The following NRG1 variants were observed in gnomAD, a reference collection of about 807,000 sequenced individuals.
NRG1 encodes pro-neuregulin-1, membrane-bound isoform.
A neutral mutation model predicts 63.8 loss-of-function variants in NRG1; 18 were observed. The observed-to-expected ratio is 0.28, with a 90% CI of 0.19 to 0.42. The LOEUF (loss-of-function observed/expected upper bound fraction) is 0.42, where lower values mean the gene tolerates loss of function less well. NRG1 is among the 10% of genes least tolerant of loss of function. The pLI, the probability that NRG1 is intolerant of heterozygous loss-of-function variation, is 1.00. For missense variants in NRG1, 762 were observed against 814.7 expected (o/e 0.94, Z 0.79); for synonymous variants, 302 against 301.3 (o/e 1.00, Z -0.02).
chr8:32,255,766 T>G (rs1849630406), intron 1 of NRG1, among the ~76,000 whole-genome samples: 1 of 152,204 alleles, frequency 6.6e-6, no homozygotes, highest in Non-Finnish European at 1.5e-5. Flanking sequence ...TCTTGCCAGG[T>G]TGGGGAAGTT....
chr8:31,714,193 A>G (rs1038977413), intron 1 of NRG1, among the ~76,000 whole-genome samples: 4 of 150,596 alleles, frequency 2.7e-5, no homozygotes, highest in Non-Finnish European at 5.9e-5. Context: ...TAAGGAGTTT[A>G]TTTTTTTCCT....
intron 1 of NRG1, among the ~76,000 whole-genome samples, chr8:32,074,419 A>G (rs2131069791): frequency 6.6e-6 from 1 of 152,346 alleles, no homozygotes; most frequent in Non-Finnish European, 1.5e-5. Context: ...TGTTTGAAAA[A>G]GAATTAATGA....
Position 32,056,941 on chromosome 8 carries a change from A to G in NRG1, c.37+417510A>G, listed in dbSNP as rs536119138. On this transcript the variant is annotated intron_variant, in intron 1 of 10. Coordinates refer to the NRG1 transcript ENST00000519301. ...TTGGGAAATGCAGGTACTTTTTAGC[A>G]TTAGTGAGTAGACTCATTTCTAACA... Among the ~76,000 whole-genome samples, 31 of 152,338 alleles carry G rather than the reference A, an allele frequency of 2.0e-4. 1 individual carries two copies. In the South Asian group the frequency reaches 5.6e-3, roughly 27 times the overall value.
intron 1 of NRG1, among the ~76,000 whole-genome samples, chr8:32,119,733 T>G (rs889919557): frequency 1.3e-5 from 2 of 151,970 alleles, no homozygotes; most frequent in Non-Finnish European, 2.9e-5. Context: ...GAAGGCCATA[T>G]GTCAAAATGG....
At chr8:32,474,420 A>G (rs1348245537) in intron 1 of NRG1, among the ~76,000 whole-genome samples, 2 of 151,990 alleles carry the variant, frequency 1.3e-5, no homozygotes, top group African/African-American at 2.4e-5. Context: ...AGATATTTCC[A>G]AAAGCATCCC....
intron 1 of NRG1, among the ~76,000 whole-genome samples, chr8:31,705,331 C>A (rs1027560181): frequency 1.3e-5 from 2 of 152,106 alleles, no homozygotes; most frequent in Non-Finnish European, 2.9e-5. Context: ...CAGGCGTGAG[C>A]CACCGCGCCC....
intron 1 of NRG1, among the ~76,000 whole-genome samples, chr8:32,077,327 T>C (rs975249627): frequency 6.6e-6 from 1 of 152,038 alleles, no homozygotes; most frequent in South Asian, 2.1e-4. Flanking sequence ...AAATCGCACA[T>C]TGCCCTCCAG....
chr8:32,226,076 T>C (rs1846287905), intron 1 of NRG1, among the ~76,000 whole-genome samples: 2 of 152,210 alleles, frequency 1.3e-5, no homozygotes, highest in South Asian at 2.1e-4. Flanking sequence ...ACTGAAGATA[T>C]GGCTCTAGAT....
At chr8:32,153,704 A>G (rs926488997) in intron 1 of NRG1, among the ~76,000 whole-genome samples, 3 of 152,192 alleles carry the variant, frequency 2.0e-5, no homozygotes, top group South Asian at 4.1e-4. Flanking sequence ...CTGAATTTCC[A>G]TACATTCCTG....
intron 1 of NRG1, among the ~76,000 whole-genome samples, chr8:32,272,760 G>A (rs1851680187): frequency 1.3e-5 from 2 of 152,150 alleles, no homozygotes; most frequent in Non-Finnish European, 2.9e-5. Flanking sequence ...AATGTCAGTA[G>A]ACCTTTTGGG....
At chr8:31,774,262 A>G (rs1818904584) in intron 1 of NRG1, among the ~76,000 whole-genome samples, 1 of 152,026 alleles carries the variant, frequency 6.6e-6, no homozygotes, top group South Asian at 2.1e-4. Flanking sequence ...CCCCTACTTC[A>G]TTTATGATCA....
intron 1 of NRG1, among the ~76,000 whole-genome samples, chr8:32,428,309 A>G (rs1478866321): frequency 2.0e-5 from 3 of 151,718 alleles, no homozygotes; most frequent in Non-Finnish European, 2.9e-5. Flanking sequence ...CTCTCCATAA[A>G]GTCCTAGTAG....
chr8:32,134,371 C>G (rs181329408), intron 1 of NRG1, among the ~76,000 whole-genome samples: 1 of 152,046 alleles, frequency 6.6e-6, no homozygotes, highest in East Asian at 1.9e-4. Context: ...TGAAGTAGTT[C>G]GTCTTCAAAA....
Position 31,693,898 on chromosome 8 carries a change from C to T in NRG1, c.37+54467C>T, listed in dbSNP as rs143055916. The stretch of plus-strand genomic sequence containing the variant: ...TGTTGCCCAGGCTGGAGGGCAGTGG[C>T]GAGGTCTTGGCTTATTGTAACCTCC... On this transcript the variant is annotated intron_variant, in intron 1 of 10. Coordinates refer to the NRG1 transcript ENST00000519301. Among the ~76,000 whole-genome samples the T allele has an allele frequency of 2.9e-3, 440 of 152,196 alleles. 3 individuals are homozygous for T. The highest frequency in any genetic ancestry group is 9.4e-3 in the African/African-American group (391 of 41,520).
chr8:31,871,654 A>G (rs919256322), intron 1 of NRG1, among the ~76,000 whole-genome samples: 4 of 152,026 alleles, frequency 2.6e-5, no homozygotes, highest in African/African-American at 9.7e-5. Flanking sequence ...ACAAACCAAA[A>G]AAACTGCAAG....
rs1823274543 is a variant in NRG1 at position 31,814,794 on chromosome 8, G to A, written c.37+175363G>A. Among the ~76,000 whole-genome samples the A allele has an allele frequency of 2.0e-5, 3 of 151,674 alleles. No homozygotes were observed. In the South Asian group the frequency reaches 6.2e-4, roughly 32 times the overall value. On this transcript the variant is annotated intron_variant, in intron 1 of 10. Coordinates refer to the NRG1 transcript ENST00000519301. ...TTCATTTATCTGCAACATTTCTTAAGGCTTATTTGCATGTGGGTAAAATTC... is the reference window on the plus strand; with the variant it reads ...TTCATTTATCTGCAACATTTCTTAAAGCTTATTTGCATGTGGGTAAAATTC...
At chr8:32,628,441 C>T (rs917535677) in intron 5 of NRG1, among the ~76,000 whole-genome samples, 1 of 152,016 alleles carries the variant, frequency 6.6e-6, no homozygotes, top group African/African-American at 2.4e-5. Context: ...AGAAAATAAA[C>T]TATACAAAGG....
chr8:32,378,667 G>A (rs772008363), intron 1 of NRG1, among the ~76,000 whole-genome samples: 1 of 152,076 alleles, frequency 6.6e-6, no homozygotes, highest in Non-Finnish European at 1.5e-5. Context: ...TGTGCACAAC[G>A]TGCAGGTTAG....
At chr8:31,654,067 TG>T (rs1805176974) in intron 1 of NRG1, among the ~76,000 whole-genome samples, 1 of 152,228 alleles carries the variant, frequency 6.6e-6, no homozygotes, top group South Asian at 2.1e-4. Flanking sequence ...ATAAGTAATT[TG>T]GCCACCATTT....
Sources: gnomAD v4.1 joint callset for allele counts (sites outside exome capture counted in the v4.1 genomes callset) on GRCh38, gnomAD v4.1.1 for gene constraint, MANE v1.5 for transcripts, NCBI Gene and HGNC (gene_info 2026-07-23, HGNC 2026-07-21) for gene names.